Variants in PCDHGA9 observed in about 807,000 individuals in gnomAD.
The protein encoded by PCDHGA9 is protocadherin gamma subfamily A, 9, also known as protocadherin gamma-A9.
A neutral mutation model predicts 62.5 loss-of-function variants in PCDHGA9; 37 were observed. That is an observed-to-expected ratio of 0.59 (90% CI 0.46 to 0.78). The LOEUF is 0.78. Among genes scored for constraint, PCDHGA9 ranks in the 30% least tolerant of loss-of-function variants. The probability of loss-of-function intolerance (pLI) is 0.00; values close to 1 mark genes in which losing one functional copy is unlikely to be tolerated. For missense variants in PCDHGA9, 1,138 were observed against 1,166.2 expected (o/e 0.98, Z 0.35); for synonymous variants, 459 against 484.6 (o/e 0.95, Z 0.69).
At chr5:141,453,481 T>TA (rs1178324090) in intron 1 of PCDHGA9, among the ~76,000 whole-genome samples, 1 of 151,928 alleles carries the variant, frequency 6.6e-6, no homozygotes, top group African/African-American at 2.4e-5. Context: ...TCAAAACTAT[T>TA]AAAAAAAGGT....
At chr5:141,455,103 C>T (rs1319698016) in intron 1 of PCDHGA9, among the ~76,000 whole-genome samples, 1 of 151,862 alleles carries the variant, frequency 6.6e-6, no homozygotes, top group South Asian at 2.1e-4. Flanking sequence ...TGAGCCACTG[C>T]GCCCGGTGGG....
chr5:141,421,834 CGA>C lies in PCDHGA9; in HGVS notation c.2424+16463_2424+16464del, dbSNP rs763631483. The C allele has an allele frequency of 2.1e-5, 34 of 1,613,630 alleles. No homozygotes were observed. The Admixed American group carries it at 5.5e-4, about 26-fold the overall frequency. ...GCTAGTACTGGAGGGAAGCCTGGAC[CGA>C]GAGAAAGAGGCTGCTCACCTGCTCC... On this transcript the variant is annotated intron_variant, in intron 1 of 3. Transcript: ENST00000573521.
chr5:141,413,785 C>T (rs771027783), intron 1 of PCDHGA9: 1 of 1,613,186 alleles, frequency 6.2e-7, no homozygotes, highest in Non-Finnish European at 8.5e-7. Flanking sequence ...GGAGCACTCC[C>T]TAGATCGCGA....
intron 1 of PCDHGA9, among the ~76,000 whole-genome samples, chr5:141,472,119 A>C (rs1015212535): frequency 6.6e-6 from 1 of 152,240 alleles, no homozygotes; most frequent in African/African-American, 2.4e-5. Context: ...AAAGAAAATA[A>C]AAGAGAAGTT....
intron 1 of PCDHGA9, chr5:141,423,296 T>G (rs771340929): frequency 6.2e-7 from 1 of 1,614,124 alleles, no homozygotes; most frequent in Non-Finnish European, 8.5e-7. Context: ...ACCTCAGACC[T>G]CTCGCTGTAC....
intron 1 of PCDHGA9, among the ~76,000 whole-genome samples, chr5:141,492,922 T>C (rs1191111432): frequency 1.3e-5 from 2 of 152,194 alleles, no homozygotes; most frequent in Non-Finnish European, 2.9e-5. Context: ...TGCCCAGCGA[T>C]CTAGGGTCAG....
intron 1 of PCDHGA9, chr5:141,410,397 G>A (rs1338071222): frequency 1.9e-6 from 3 of 1,613,930 alleles, no homozygotes; most frequent in South Asian, 1.1e-5. Context: ...CCTGGTCTCT[G>A]TGTCAAGTCT....
At chr5:141,405,938 G>A (rs1249578216) in intron 1 of PCDHGA9, among the ~76,000 whole-genome samples, 2 of 152,114 alleles carry the variant, frequency 1.3e-5, no homozygotes, top group Non-Finnish European at 2.9e-5. Flanking sequence ...TAACTTTCAT[G>A]TTCTCATAAT....
chr5:141,489,101 T>A lies in PCDHGA9; in HGVS notation c.2425-5706T>A. 2 of 398,380 alleles carry A rather than the reference T, an allele frequency of 5.0e-6. No individual in the cohort carries two copies. Among genetic ancestry groups the A allele is most frequent in the Non-Finnish European group, 9.0e-6 (2 of 223,310 alleles). The allele number at this position is 398,380 out of a possible 1,614,324, so 24.7% of individuals were successfully genotyped here. ...CCGCCACTCGGTGACTAAGAACTGC[T>A]GCAAGCAGGCAAACCTCCGAGCAGT... On this transcript the variant is annotated intron_variant, in intron 1 of 3. Coordinates refer to ENST00000573521, the MANE Select transcript of PCDHGA9 (RefSeq NM_018921.3). This position sits in a 1 kb window ranked among gnomAD's most constrained non-coding sequence, Gnocchi z 4.5.
At chr5:141,441,790 A>G in intron 1 of PCDHGA9, 1 of 391,228 alleles carries the variant, frequency 2.6e-6, no homozygotes, top group South Asian at 2.0e-5. Context: ...CTGAATGACA[A>G]CGCACCGCGG....
intron 1 of PCDHGA9, among the ~76,000 whole-genome samples, chr5:141,454,859 G>A (rs2098805080): frequency 7.9e-6 from 1 of 126,982 alleles, no homozygotes; most frequent in African/African-American, 3.1e-5. Flanking sequence ...CCAGGCTGGA[G>A]TGCAGTGGCA....
chr5:141,421,741 C>A lies in PCDHGA9; in HGVS notation c.2424+16365C>A. 3 of 1,613,902 alleles carry A rather than the reference C, an allele frequency of 1.9e-6. No individual in the cohort carries two copies. The South Asian group carries it at 3.3e-5, about 18-fold the overall frequency. ...GGGCGTGAACTCCCTCCAGAGCTAC[C>A]AGCTCAGCCCTAATAATTACTTTTC... On this transcript the variant is annotated intron_variant, in intron 1 of 3. Transcript: ENST00000573521.
rs2097401329 is a variant in PCDHGA9 at position 141,431,623 on chromosome 5, G to A, written c.2424+26247G>A. 1 of 1,614,192 alleles carries A rather than the reference G, an allele frequency of 6.2e-7. No homozygotes were observed. The highest frequency in any genetic ancestry group is 1.7e-5 in the Admixed American group (1 of 60,028). On this transcript the variant is annotated intron_variant, in intron 1 of 3. Coordinates refer to ENST00000573521, the MANE Select transcript of PCDHGA9 (RefSeq NM_018921.3). This position sits in a 1 kb window ranked among gnomAD's most constrained non-coding sequence, Gnocchi z 4.8. ...CCTTCCGGTATGTGGACGACAAGGC[G>A]GCCCAAGTTTTCAAACTAGATTGTA...
chr5:141,475,739 T>C (rs190533989), intron 1 of PCDHGA9, among the ~76,000 whole-genome samples: 593 of 152,384 alleles, frequency 3.9e-3, no homozygotes, highest in Non-Finnish European at 6.7e-3. Flanking sequence ...TTCCCTAAGG[T>C]AGGTTTCCTA....
At chr5:141,414,489 G>C (rs754325517) in intron 1 of PCDHGA9, 2 of 1,613,872 alleles carry the variant, frequency 1.2e-6, no homozygotes, top group South Asian at 2.2e-5. Context: ...CTCTATCAAC[G>C]GAAGCTCACT....
At chr5:141,419,728 A>T (rs2096421858) in intron 1 of PCDHGA9, 1 of 1,613,466 alleles carries the variant, frequency 6.2e-7, no homozygotes. Flanking sequence ...GGCTGCGAAC[A>T]GGCGAGGTGC....
intron 1 of PCDHGA9, chr5:141,418,820 G>A: frequency 6.2e-7 from 1 of 1,613,918 alleles, no homozygotes. Flanking sequence ...AAACATAGAA[G>A]CAAAAGACCG....
At chr5:141,424,094 A>G (rs1036391991) in intron 1 of PCDHGA9, 11 of 864,422 alleles carry the variant, frequency 1.3e-5, no homozygotes, top group Non-Finnish European at 1.4e-5. Context: ...ATTATTTGCT[A>G]TTACTGCTAA....
chr5:141,423,170 A>G, intron 1 of PCDHGA9: 8 of 1,613,504 alleles, frequency 5.0e-6, no homozygotes, highest in Non-Finnish European at 6.8e-6. Context: ...GTGGCCGTCC[A>G]GGACCACGGC....
Sources: gnomAD v4.1 joint callset for allele counts (sites outside exome capture counted in the v4.1 genomes callset) on GRCh38, gnomAD v4.1.1 for gene constraint, Gnocchi (gnomAD v3.1) non-coding constraint, MANE v1.5 for transcripts, NCBI Gene and HGNC (gene_info 2026-07-23, HGNC 2026-07-21) for gene names.